The following SAMMSON variants were observed in gnomAD, a reference collection of about 807,000 sequenced individuals.
The protein encoded by SAMMSON is long intergenic non-protein coding RNA 1212.
intron 3 of SAMMSON, among the ~76,000 whole-genome samples, chr3:70,021,154 G>C (rs2067011672): frequency 6.6e-6 from 1 of 152,156 alleles, no homozygotes; most frequent in Non-Finnish European, 1.5e-5. Context: ...CATTCAGGGT[G>C]GGGAGGTGGG....
At chr3:70,197,258 G>T (rs933947185) in intron 4 of SAMMSON, 2 of 397,772 alleles carry the variant, frequency 5.0e-6, no homozygotes, top group Non-Finnish European at 4.4e-6. Context: ...TGTGTGCTGG[G>T]ATACTTGATA....
intron 7 of SAMMSON, among the ~76,000 whole-genome samples, chr3:70,299,671 T>C (rs1362731271): frequency 6.6e-6 from 1 of 152,138 alleles, no homozygotes; most frequent in Non-Finnish European, 1.5e-5. Context: ...CATTTGTGGA[T>C]GCAACAAGCT....
intron 6 of SAMMSON, among the ~76,000 whole-genome samples, chr3:70,285,548 T>C (rs1702152417): frequency 6.6e-6 from 1 of 151,952 alleles, no homozygotes; most frequent in African/African-American, 2.4e-5. Flanking sequence ...AGCAGCATGA[T>C]TTATAGTCCT....
chr3:70,305,733 G>A (rs1274941485), intron 7 of SAMMSON, among the ~76,000 whole-genome samples: 1 of 152,196 alleles, frequency 6.6e-6, no homozygotes, highest in Non-Finnish European at 1.5e-5. Flanking sequence ...GAAGTAAGTT[G>A]TCTTCACTTA....
intron 3 of SAMMSON, among the ~76,000 whole-genome samples, chr3:70,027,855 A>C (rs1379587145): frequency 6.6e-6 from 1 of 152,206 alleles, no homozygotes; most frequent in Non-Finnish European, 1.5e-5. Flanking sequence ...GAGCAAATGC[A>C]AGGTAATGCG....
chr3:70,330,563 C>T (rs1318145124), intron 7 of SAMMSON, among the ~76,000 whole-genome samples: 1 of 151,972 alleles, frequency 6.6e-6, no homozygotes, highest in Non-Finnish European at 1.5e-5. Flanking sequence ...TCTATTCATT[C>T]AAACATTCCT....
intron 4 of SAMMSON, among the ~76,000 whole-genome samples, chr3:70,243,066 T>C (rs1363485385): frequency 6.6e-6 from 1 of 152,180 alleles, no homozygotes; most frequent in African/African-American, 2.4e-5. Context: ...GGAGTTCTAA[T>C]TGTAAGGTGG....
chr3:70,050,394 A>G (rs1370463945), intron 3 of SAMMSON, among the ~76,000 whole-genome samples: 1 of 152,168 alleles, frequency 6.6e-6, no homozygotes, highest in East Asian at 1.9e-4. Flanking sequence ...CTTCCAGTAC[A>G]GCAGAGCAGC....
rs189407842 is a variant in SAMMSON, at chr3:70,301,479, T to C, written n.739+10236T>C. ...TTTTCCCAACTGAATTATAAGTTTC[T>C]TTATTGGGCATGGGAATCTCTGTGT... On this transcript the variant is annotated intron_variant and non_coding_transcript_variant, in intron 7 of 9. Coordinates refer to ENST00000642114, the Ensembl canonical transcript of SAMMSON. Among the ~76,000 whole-genome samples the C allele has an allele frequency of 1.8e-3, 277 of 152,242 alleles. 1 individual carries two copies. Among genetic ancestry groups the C allele is most frequent in the African/African-American group, 6.4e-3 (266 of 41,578 alleles).
At chr3:70,282,343 A>T (rs1315741609) in intron 6 of SAMMSON, among the ~76,000 whole-genome samples, 1 of 152,176 alleles carries the variant, frequency 6.6e-6, no homozygotes, top group Non-Finnish European at 1.5e-5. Flanking sequence ...CTCCCCTATC[A>T]AATTCCCAAA....
intron 7 of SAMMSON, among the ~76,000 whole-genome samples, chr3:70,353,966 G>A (rs970830752): frequency 3.9e-5 from 6 of 152,148 alleles, no homozygotes; most frequent in Admixed American, 3.9e-4. Context: ...TATCTACTAT[G>A]TGACTCCATG....
chr3:70,361,099 T>A (rs1439511336), intron 9 of SAMMSON, among the ~76,000 whole-genome samples: 1 of 152,122 alleles, frequency 6.6e-6, no homozygotes, highest in Non-Finnish European at 1.5e-5. Context: ...AGTGCTAAGA[T>A]GGAAACTGTA....
intron 3 of SAMMSON, among the ~76,000 whole-genome samples, chr3:70,039,978 C>A (rs750970235): frequency 7.9e-5 from 12 of 152,182 alleles, no homozygotes; most frequent in Non-Finnish European, 1.6e-4. Context: ...ATTGTCAGTT[C>A]TTGCAAAGCT....
chr3:70,115,953 A>T (rs1285539629), intron 4 of SAMMSON, among the ~76,000 whole-genome samples: 2 of 152,098 alleles, frequency 1.3e-5, no homozygotes, highest in Non-Finnish European at 2.9e-5. Context: ...AGAACTTCCA[A>T]TTTATCTGTT....
chr3:70,356,867 CTT>C (rs1464721852), intron 8 of SAMMSON, among the ~76,000 whole-genome samples: 1 of 151,978 alleles, frequency 6.6e-6, no homozygotes, highest in Admixed American at 6.6e-5. Context: ...ACAGATGGCA[CTT>C]TTTTTGAGCA....
intron 4 of SAMMSON, among the ~76,000 whole-genome samples, chr3:70,117,362 G>C (rs2067415928): frequency 6.6e-6 from 1 of 152,178 alleles, no homozygotes; most frequent in Non-Finnish European, 1.5e-5. Context: ...TCCCAAATTT[G>C]AATGGAAATA....
chr3:70,126,726 T>G (rs2067460533), intron 4 of SAMMSON: 1 of 250,324 alleles, frequency 4.0e-6, no homozygotes, highest in South Asian at 5.0e-5. Flanking sequence ...TTGTTTTTTG[T>G]TTTTTTTGAG....
intron 6 of SAMMSON, among the ~76,000 whole-genome samples, chr3:70,269,941 A>G (rs1429273300): frequency 1.3e-5 from 2 of 152,214 alleles, no homozygotes; most frequent in African/African-American, 4.8e-5. Flanking sequence ...TCATCTCAAG[A>G]AATGTGAAAA....
intron 4 of SAMMSON, among the ~76,000 whole-genome samples, chr3:70,163,796 A>T (rs2067626010): frequency 6.6e-6 from 1 of 152,076 alleles, no homozygotes; most frequent in African/African-American, 2.4e-5. Context: ...TGAAGTTCCC[A>T]AATTGAAGTT....
Sources: allele counts gnomAD v4.1 joint callset (sites outside exome capture counted in the v4.1 genomes callset), GRCh38; gene constraint gnomAD v4.1.1; transcripts MANE v1.5; gene names NCBI Gene and HGNC (gene_info 2026-07-23, HGNC 2026-07-21).